The following PDS5B variants were observed in gnomAD, a reference collection of about 807,000 sequenced individuals.
PDS5B encodes sister chromatid cohesion protein PDS5 homolog B.
In PDS5B, 51 loss-of-function variants were observed where a neutral mutation model predicts 184.1. That is an observed-to-expected ratio of 0.28 (90% CI 0.22 to 0.35). PDS5B has a LOEUF of 0.35. PDS5B is among the 10% of genes least tolerant of loss of function. The pLI is 1.00. For missense variants in PDS5B, 1,180 were observed against 1,723.3 expected (o/e 0.68, Z 5.58); for synonymous variants, 566 against 569.2 (o/e 0.99, Z 0.08).
intron 19 of PDS5B, among the ~76,000 whole-genome samples, chr13:32,715,645 A>ATCCCTC (rs370230716): frequency 7.7e-5 from 10 of 129,208 alleles, no homozygotes; most frequent in East Asian, 3.9e-4. Flanking sequence ...CCCTCTCCCT[A>ATCCCTC]TCCCTCTCCC....
At chr13:32,738,987 T>G (rs1393788005) in intron 21 of PDS5B, among the ~76,000 whole-genome samples, 1 of 152,198 alleles carries the variant, frequency 6.6e-6, no homozygotes, top group Non-Finnish European at 1.5e-5. Context: ...ACAAAAGTTA[T>G]TACTTTTAAT....
chr13:32,598,980 C>T (rs989765067), intron 1 of PDS5B, among the ~76,000 whole-genome samples: 3 of 152,054 alleles, frequency 2.0e-5, no homozygotes, highest in African/African-American at 4.8e-5. Flanking sequence ...CTGTGTTAGC[C>T]AGGATGGTCT....
chr13:32,606,177 A>G lies in PDS5B; in HGVS notation c.-20+19584A>G, dbSNP rs529080124. 4.6e-5 allele frequency among the ~76,000 whole-genome samples: 7 copies of G among 152,132 alleles called. No homozygotes were observed. In the South Asian group the frequency reaches 1.0e-3, roughly 23 times the overall value. ...CTTCCTAGCATTGATGGTCTTTACA[A>G]TTGGCATGTTTTTGCAGTGGCTGGT... is the stretch of plus-strand genomic sequence containing the variant. On this transcript the variant is annotated intron_variant, in intron 1 of 34. Transcript: ENST00000315596.
intron 1 of PDS5B, among the ~76,000 whole-genome samples, chr13:32,621,145 G>A (rs781445266): frequency 3.9e-5 from 6 of 152,176 alleles, no homozygotes; most frequent in South Asian, 2.1e-4. Context: ...GAGTTTTCAT[G>A]TCAAACTTAT....
At chr13:32,736,694 C>T (rs1038383984) in intron 21 of PDS5B, among the ~76,000 whole-genome samples, 3 of 151,750 alleles carry the variant, frequency 2.0e-5, no homozygotes, top group Non-Finnish European at 2.9e-5. Flanking sequence ...TTTACATATA[C>T]GATTTCTGTT....
chr13:32,620,204 A>T lies in PDS5B; in HGVS notation c.-19-28550A>T, dbSNP rs553163272. Among the ~76,000 whole-genome samples, 3 of 152,258 alleles carry T rather than the reference A, an allele frequency of 2.0e-5. No individual in the cohort carries two copies. In the South Asian group the frequency reaches 6.2e-4, roughly 32 times the overall value. On this transcript the variant is annotated intron_variant, in intron 1 of 34. Coordinates refer to ENST00000315596, the MANE Select transcript of PDS5B (RefSeq NM_015032.4). ...GAAATGAAACAGATTTTTTTGGTCC[A>T]CCTTGCTAAGTTTTAATGTTCACAA...
intron 29 of PDS5B, 89 bp from the exon 30 acceptor site, chr13:32,760,486 C>A (rs1593629192): frequency 5.7e-6 from 7 of 1,235,592 alleles, no homozygotes; most frequent in South Asian, 1.5e-5. Flanking sequence ...TAAGTAAATA[C>A]TTTGAGAGAG....
At chr13:32,735,433 C>A in intron 21 of PDS5B, 103 bp downstream of exon 21, 2 of 728,068 alleles carry the variant, frequency 2.7e-6, no homozygotes, top group Non-Finnish European at 2.1e-6. Context: ...TTCCATTTGA[C>A]TGCCTTGATT....
chr13:32,756,735 C>A (rs1444586675), intron 26 of PDS5B, among the ~76,000 whole-genome samples: 1 of 152,032 alleles, frequency 6.6e-6, no homozygotes, highest in African/African-American at 2.4e-5. Context: ...ATTTGAGAAG[C>A]CTCAGGAGAA....
intron 1 of PDS5B, among the ~76,000 whole-genome samples, chr13:32,601,363 C>G (rs927920260): frequency 6.6e-6 from 1 of 152,108 alleles, no homozygotes; most frequent in African/African-American, 2.4e-5. Flanking sequence ...TAATACACAC[C>G]TTGTTTTAGA....
At chr13:32,649,531 T>C (rs926280408) in intron 2 of PDS5B, 4 of 152,176 alleles carry the variant, frequency 2.6e-5, no homozygotes, top group Non-Finnish European at 4.4e-5. Flanking sequence ...GCATTTCCGA[T>C]CGAGGTTGTA....
intron 33 of PDS5B, 25 bp from the exon 34 acceptor site, chr13:32,773,164 G>A: frequency 1.3e-6 from 2 of 1,566,006 alleles, no homozygotes; most frequent in Non-Finnish European, 1.7e-6. Context: ...AACGTTCATT[G>A]TGTTTTACAT....
chr13:32,591,173 G>C (rs1372946708), intron 1 of PDS5B, among the ~76,000 whole-genome samples: 2 of 151,830 alleles, frequency 1.3e-5, no homozygotes, highest in East Asian at 3.9e-4. Flanking sequence ...CCGTTGCCCA[G>C]ACTGGAGTGC....
intron 1 of PDS5B, among the ~76,000 whole-genome samples, chr13:32,615,822 C>T (rs985151854): frequency 7.9e-5 from 12 of 152,044 alleles, no homozygotes; most frequent in South Asian, 2.1e-4. Flanking sequence ...TTATATAGTC[C>T]CTGGCAATAG....
At chr13:32,668,769 T>G (rs1950863231) in intron 7 of PDS5B, among the ~76,000 whole-genome samples, 1 of 152,148 alleles carries the variant, frequency 6.6e-6, no homozygotes, top group Admixed American at 6.5e-5. Context: ...GAGGGAGAGT[T>G]TTTCTTGTAG....
At chr13:32,696,805 T>G (rs760368170) in intron 14 of PDS5B, 49 bp from the exon 15 acceptor site, 1 of 1,373,078 alleles carries the variant, frequency 7.3e-7, no homozygotes, top group Non-Finnish European at 1.0e-6. Flanking sequence ...TATGATGAAG[T>G]TTTCTTGTTA....
Position 32,690,685 on chromosome 13 carries a change from A to G in PDS5B, c.1469+2116A>G, listed in dbSNP as rs567769326. On this transcript the variant is annotated intron_variant, in intron 13 of 34. Transcript: ENST00000315596. ...AGATATCACTTATCACTTAAATGAT[A>G]AGTATATTTGATTGAATTCAAAAGT... 11 of 152,336 alleles carry G rather than the reference A, an allele frequency of 7.2e-5. No individual in the cohort carries two copies. The South Asian group carries it at 2.3e-3, about 32-fold the overall frequency. The allele number at this position is 152,336 out of a possible 1,614,324, so 9.4% of individuals were successfully genotyped here. A position where few individuals can be genotyped will look rare whatever the true frequency, so the allele number is the denominator to read the frequency against.
chr13:32,635,170 G>T (rs1357768753), intron 1 of PDS5B, among the ~76,000 whole-genome samples: 2 of 81,058 alleles, frequency 2.5e-5, no homozygotes, highest in Admixed American at 1.4e-4. Flanking sequence ...AGCCAATTAC[G>T]TTTTTTTTTT....
At chr13:32,772,341 GA>G (rs1954816972) in intron 33 of PDS5B, among the ~76,000 whole-genome samples, 1 of 152,138 alleles carries the variant, frequency 6.6e-6, no homozygotes, top group Non-Finnish European at 1.5e-5. Context: ...AGGTGCTAGG[GA>G]CACAAAACAG....
Sources: allele counts gnomAD v4.1 joint callset (sites outside exome capture counted in the v4.1 genomes callset), GRCh38; gene constraint gnomAD v4.1.1; transcripts MANE v1.5; gene names NCBI Gene and HGNC (gene_info 2026-07-23, HGNC 2026-07-21).